CNTNAP2: variants seen among roughly 807,000 people sequenced by gnomAD.
The protein encoded by CNTNAP2 is contactin-associated protein-like 2.
In CNTNAP2, 98 loss-of-function variants were observed where a neutral mutation model predicts 155.2. The observed-to-expected ratio is 0.63, with a 90% confidence interval of 0.54 to 0.75. CNTNAP2 has a LOEUF of 0.75. CNTNAP2 is among the 30% of genes least tolerant of loss of function. CNTNAP2 has a pLI of 0.00. For synonymous variants in CNTNAP2, 651 were observed against 631.2 expected (o/e 1.03, Z -0.47); for missense variants, 1,727 against 1,688.1 (o/e 1.02, Z -0.40).
intron 1 of CNTNAP2, among the ~76,000 whole-genome samples, chr7:146,449,594 T>G (rs534674633): frequency 3.9e-5 from 6 of 152,176 alleles, no homozygotes; most frequent in African/African-American, 7.2e-5. Context: ...GTACTCCATC[T>G]TGGAGTTGAA....
intron 13 of CNTNAP2, among the ~76,000 whole-genome samples, chr7:147,706,827 T>C (rs1796323265): frequency 6.6e-6 from 1 of 152,214 alleles, no homozygotes. Flanking sequence ...TCTTTTTAAT[T>C]TTTTAAAATT....
chr7:146,773,131 A>G (rs555639396), intron 1 of CNTNAP2, among the ~76,000 whole-genome samples: 1 of 152,266 alleles, frequency 6.6e-6, no homozygotes, highest in African/African-American at 2.4e-5. Context: ...GGCCACGTTA[A>G]CATTAGAAGC....
At chr7:148,113,145 G>A (rs1471535160) in intron 15 of CNTNAP2, among the ~76,000 whole-genome samples, 1 of 152,120 alleles carries the variant, frequency 6.6e-6, no homozygotes, top group Non-Finnish European at 1.5e-5. Context: ...CTGAGACTGG[G>A]TAATTTATAA....
intron 8 of CNTNAP2, among the ~76,000 whole-genome samples, chr7:147,270,570 T>G (rs560067351): frequency 6.6e-6 from 1 of 152,354 alleles, no homozygotes; most frequent in South Asian, 2.1e-4. Flanking sequence ...TAGCCCTGGC[T>G]GTATGTACAT....
intron 13 of CNTNAP2, among the ~76,000 whole-genome samples, chr7:147,799,309 G>A (rs1219416892): frequency 6.6e-6 from 1 of 152,074 alleles, no homozygotes; most frequent in Non-Finnish European, 1.5e-5. Context: ...GGGTAGAGGG[G>A]AAAGCACACT....
chr7:148,027,325 A>G (rs551037417), intron 15 of CNTNAP2, among the ~76,000 whole-genome samples: 4 of 152,364 alleles, frequency 2.6e-5, no homozygotes, highest in South Asian at 4.1e-4. Flanking sequence ...AATAGAATCT[A>G]TGTAGCACTT....
intron 13 of CNTNAP2, among the ~76,000 whole-genome samples, chr7:147,769,346 T>C (rs545560738): frequency 2.0e-5 from 3 of 151,954 alleles, no homozygotes; most frequent in Non-Finnish European, 4.4e-5. Context: ...CAGAATTATC[T>C]GGCACTTAAA....
chr7:147,174,689 C>A (rs1395869227), intron 8 of CNTNAP2, among the ~76,000 whole-genome samples: 1 of 152,052 alleles, frequency 6.6e-6, no homozygotes, highest in Non-Finnish European at 1.5e-5. Flanking sequence ...AAGGAGCCTG[C>A]AGACTGCTTA....
At chr7:146,625,093 C>T (rs1035677804) in intron 1 of CNTNAP2, among the ~76,000 whole-genome samples, 3 of 151,806 alleles carry the variant, frequency 2.0e-5, no homozygotes, top group Non-Finnish European at 2.9e-5. Context: ...TACTGGAACA[C>T]ATTTTGATAT....
chr7:148,146,078 A>C (rs920675831), intron 16 of CNTNAP2, among the ~76,000 whole-genome samples: 1 of 152,218 alleles, frequency 6.6e-6, no homozygotes, highest in African/African-American at 2.4e-5. Flanking sequence ...CTGGCCCACC[A>C]TGGTTTCTAA....
At chr7:147,667,152 C>T (rs79116207) in intron 13 of CNTNAP2, among the ~76,000 whole-genome samples, 6,222 of 152,172 alleles carry the variant, frequency 0.041, 141 homozygotes, top group Middle Eastern at 0.13. Flanking sequence ...TTTTTCATTA[C>T]GTTATGTGAA....
At chr7:147,594,411 A>G (rs953648670) in intron 12 of CNTNAP2, among the ~76,000 whole-genome samples, 1 of 152,078 alleles carries the variant, frequency 6.6e-6, no homozygotes, top group East Asian at 1.9e-4. Flanking sequence ...CATGCATTTC[A>G]TAGCTCTCAC....
chr7:146,823,270 TA>T (rs1803326829), intron 2 of CNTNAP2, among the ~76,000 whole-genome samples: 2 of 150,028 alleles, frequency 1.3e-5, no homozygotes, highest in African/African-American at 4.9e-5. Context: ...TTCTTCAGTA[TA>T]ATTACATGTA....
intron 3 of CNTNAP2, among the ~76,000 whole-genome samples, chr7:146,999,265 G>A (rs1283872302): frequency 1.4e-5 from 2 of 145,470 alleles, no homozygotes; most frequent in Non-Finnish European, 3.0e-5. Context: ...AAAAGACAAA[G>A]CAAAAGCAAA....
At chr7:147,260,677 T>G (rs1804441799) in intron 8 of CNTNAP2, among the ~76,000 whole-genome samples, 2 of 152,200 alleles carry the variant, frequency 1.3e-5, no homozygotes, top group Admixed American at 1.3e-4. Context: ...GACCTTGTAG[T>G]TCTCATATTG....
At chr7:148,105,926 C>G (rs1804205092) in intron 15 of CNTNAP2, among the ~76,000 whole-genome samples, 1 of 152,146 alleles carries the variant, frequency 6.6e-6, no homozygotes, top group Admixed American at 6.5e-5. Flanking sequence ...TTGGCTTTAT[C>G]AAGGATGAAT....
chr7:146,911,318 AG>A (rs1796270863), intron 3 of CNTNAP2, among the ~76,000 whole-genome samples: 1 of 152,156 alleles, frequency 6.6e-6, no homozygotes, highest in Non-Finnish European at 1.5e-5. Context: ...ATATACCCAA[AG>A]GACTATAAAT....
chr7:147,480,340 A>G (rs111245282), intron 10 of CNTNAP2, among the ~76,000 whole-genome samples: 5 of 152,310 alleles, frequency 3.3e-5, no homozygotes, highest in African/African-American at 1.2e-4. Context: ...AAAGTTTAGA[A>G]CAAGGCATAT....
chr7:148,414,383 A>G (rs981764368), intron 23 of CNTNAP2, among the ~76,000 whole-genome samples: 1 of 151,982 alleles, frequency 6.6e-6, no homozygotes, highest in Admixed American at 6.5e-5. Context: ...CATTTCAGAC[A>G]TTGTGTGTTT....
Sources: allele counts gnomAD v4.1 joint callset (sites outside exome capture counted in the v4.1 genomes callset), GRCh38; gene constraint gnomAD v4.1.1; transcripts MANE v1.5; gene names NCBI Gene and HGNC (gene_info 2026-07-23, HGNC 2026-07-21).